The following ADIPOR2 variants were observed in gnomAD, a reference collection of about 807,000 sequenced individuals.
ADIPOR2 encodes the protein adiponectin receptor protein 2.
A neutral mutation model predicts 40.9 loss-of-function variants in ADIPOR2; 18 were observed. That is an observed-to-expected ratio of 0.44 (90% CI 0.30 to 0.65). The LOEUF (loss-of-function observed/expected upper bound fraction) is 0.65, where lower values mean the gene tolerates loss of function less well. Among genes scored for constraint, ADIPOR2 ranks in the 30% least tolerant of loss-of-function variants. The pLI, the probability that ADIPOR2 is intolerant of heterozygous loss-of-function variation, is 0.09. For synonymous variants in ADIPOR2, 165 were observed against 166.4 expected, an observed-to-expected ratio of 0.99 and a Z score of 0.06; for missense variants, 283 against 479.2, an observed-to-expected ratio of 0.59 and a Z score of 3.82.
chr12:1,710,552 C>T (rs1250415798), intron 1 of ADIPOR2, among the ~76,000 whole-genome samples: 2 of 152,058 alleles, frequency 1.3e-5, no homozygotes, highest in African/African-American at 2.4e-5. Context: ...CTAGCGCGGC[C>T]ACCGGACTAA....
intron 1 of ADIPOR2, among the ~76,000 whole-genome samples, chr12:1,746,722 C>T (rs2094755849): frequency 6.6e-6 from 1 of 152,130 alleles, no homozygotes. Context: ...CTAGACAGAT[C>T]TAGTCTAGTT....
chr12:1,745,264 C>G (rs1315740326), intron 1 of ADIPOR2, among the ~76,000 whole-genome samples: 2 of 152,154 alleles, frequency 1.3e-5, no homozygotes, highest in African/African-American at 2.4e-5. Context: ...CAGGATCACA[C>G]TGGTAAAGTC....
intron 1 of ADIPOR2, among the ~76,000 whole-genome samples, chr12:1,694,651 A>G (rs7489229): frequency 7.9e-5 from 12 of 152,358 alleles, no homozygotes; most frequent in African/African-American, 2.6e-4. Context: ...GGCCAACTGT[A>G]TAATGTAAAA....
intron 1 of ADIPOR2, among the ~76,000 whole-genome samples, chr12:1,701,449 T>C (rs962459141): frequency 3.3e-5 from 5 of 152,222 alleles, no homozygotes; most frequent in Non-Finnish European, 7.3e-5. Flanking sequence ...TGTTTTTATG[T>C]AATTACTACA....
intron 1 of ADIPOR2, among the ~76,000 whole-genome samples, chr12:1,752,228 C>T (rs1378850378): frequency 6.4e-5 from 1 of 15,578 alleles, no homozygotes; most frequent in Non-Finnish European, 1.4e-4. Flanking sequence ...TGCTCCTGGC[C>T]TCTTTTTTTT....
At chr12:1,693,832 C>A (rs2094632554) in intron 1 of ADIPOR2, among the ~76,000 whole-genome samples, 1 of 151,958 alleles carries the variant, frequency 6.6e-6, no homozygotes, top group South Asian at 2.1e-4. Context: ...CGTGCCCAGC[C>A]CTGTAATCTG....
At chr12:1,780,793 C>T (rs1358838426) in intron 5 of ADIPOR2, 96 bp from the exon 6 acceptor site, 35 of 1,375,898 alleles carry the variant, frequency 2.5e-5, no homozygotes, top group South Asian at 1.1e-4. Flanking sequence ...TCTTAGGTGT[C>T]GTTGATGGCT....
At chr12:1,725,866 C>T (rs1428542362) in intron 1 of ADIPOR2, among the ~76,000 whole-genome samples, 1 of 151,624 alleles carries the variant, frequency 6.6e-6, no homozygotes, top group Non-Finnish European at 1.5e-5. Context: ...TTTTTTTCCC[C>T]TAGAGAATGT....
chr12:1,698,241 TTTTA>T (rs1363957201), intron 1 of ADIPOR2, among the ~76,000 whole-genome samples: 2 of 148,792 alleles, frequency 1.3e-5, no homozygotes, highest in South Asian at 2.1e-4. Flanking sequence ...TGTGTGTGTA[TTTTA>T]TTTAATTTCT....
intron 7 of ADIPOR2, 61 bp from the exon 8 acceptor site, chr12:1,785,883 T>C (rs1254541052): frequency 6.9e-6 from 11 of 1,588,104 alleles, no homozygotes; most frequent in Non-Finnish European, 9.5e-6. Flanking sequence ...CCTAAGAATC[T>C]TTAGCAGTCT....
At chr12:1,757,635 A>C (rs1291906881) in intron 2 of ADIPOR2, 11 of 1,298,828 alleles carry the variant, frequency 8.5e-6, no homozygotes, top group Non-Finnish European at 1.2e-5. Flanking sequence ...TTGTGCCCCC[A>C]GAGATTTTTC....
At chr12:1,723,282 A>G (rs187817245) in intron 1 of ADIPOR2, among the ~76,000 whole-genome samples, 92 of 152,220 alleles carry the variant, frequency 6.0e-4, no homozygotes, top group Non-Finnish European at 9.6e-4. Context: ...CGCATGTTCC[A>G]TGAGGTCTCA....
At chr12:1,694,043 G>A (rs538134075) in intron 1 of ADIPOR2, among the ~76,000 whole-genome samples, 1 of 152,304 alleles carries the variant, frequency 6.6e-6, no homozygotes, top group East Asian at 1.9e-4. Flanking sequence ...CACTTACTAT[G>A]TACTAGACAA....
chr12:1,780,992 GTCA>G lies in ADIPOR2; in HGVS notation c.757_759del (p.Ile253del), dbSNP rs1227580253. ...ACAACCTTGCTTCATCTACTTGATT[GTCA>G]TCTGTGTGCTGGGCATTGCAGCCAT... On this transcript the variant is annotated inframe_deletion, in exon 6 of 8. Coordinates refer to ENST00000357103, the MANE Select transcript of ADIPOR2 (RefSeq NM_024551.3). 1 of 1,613,580 alleles carries G rather than the reference GTCA, an allele frequency of 6.2e-7. No homozygotes were observed. Among genetic ancestry groups the G allele is most frequent in the South Asian group, 1.1e-5 (1 of 91,032 alleles).
intron 1 of ADIPOR2, among the ~76,000 whole-genome samples, chr12:1,727,882 G>A (rs191656974): frequency 6.6e-6 from 1 of 151,804 alleles, no homozygotes; most frequent in East Asian, 1.9e-4. Flanking sequence ...AAGGATACTG[G>A]TGGGAGGGGC....
At chr12:1,729,617 G>GTTTTTTTTTTT (rs56921758) in intron 1 of ADIPOR2, among the ~76,000 whole-genome samples, 6 of 88,982 alleles carry the variant, frequency 6.7e-5, no homozygotes, top group East Asian at 3.4e-4. Flanking sequence ...TCAGCCAGTT[G>GTTTTTTTTTTT]TTTTTTTTTT....
chr12:1,781,901 G>A (rs550017167), intron 6 of ADIPOR2, among the ~76,000 whole-genome samples: 26 of 152,326 alleles, frequency 1.7e-4, no homozygotes, highest in African/African-American at 6.0e-4. Context: ...GTTCATATGA[G>A]CAAATGAGCA....
At chr12:1,759,751 G>T (rs1220843542) in intron 2 of ADIPOR2, among the ~76,000 whole-genome samples, 2 of 152,078 alleles carry the variant, frequency 1.3e-5, no homozygotes, top group East Asian at 3.9e-4. Flanking sequence ...TCCTGGCCAG[G>T]CGCAGTGGCT....
chr12:1,774,329 A>C (rs1862543681), intron 3 of ADIPOR2, among the ~76,000 whole-genome samples: 1 of 152,244 alleles, frequency 6.6e-6, no homozygotes. Context: ...ATAGGGCAGG[A>C]CATTTGTTTG....
Sources: gnomAD v4.1 joint callset for allele counts (sites outside exome capture counted in the v4.1 genomes callset) on GRCh38, gnomAD v4.1.1 for gene constraint, MANE v1.5 for transcripts, NCBI Gene and HGNC (gene_info 2026-07-23, HGNC 2026-07-21) for gene names.